The following OTUD7A variants were observed in gnomAD, a reference collection of about 807,000 sequenced individuals.
OTUD7A encodes OTU deubiquitinase 7A.
Under a neutral mutation model 65.7 loss-of-function variants are expected in OTUD7A, and 12 were observed. That is an observed-to-expected ratio of 0.18 (90% CI 0.12 to 0.30). OTUD7A has a LOEUF of 0.30. Among genes scored for constraint, OTUD7A ranks in the 10% least tolerant of loss-of-function variants. The pLI is 1.00. For synonymous variants in OTUD7A, 641 were observed against 586.3 expected, an observed-to-expected ratio of 1.09 and a Z score of -1.35; for missense variants, 1,148 against 1,304.8, an observed-to-expected ratio of 0.88 and a Z score of 1.85.
chr15:31,737,354 G>A (rs898589525), intron 1 of OTUD7A, among the ~76,000 whole-genome samples: 5 of 152,008 alleles, frequency 3.3e-5, no homozygotes, highest in Admixed American at 6.6e-5. Flanking sequence ...ACGAACAAGC[G>A]GTTTACAGAA....
chr15:31,647,053 A>C (rs531087421), intron 3 of OTUD7A, among the ~76,000 whole-genome samples: 2 of 152,100 alleles, frequency 1.3e-5, no homozygotes, highest in South Asian at 4.2e-4. Flanking sequence ...ATTTTTTTTG[A>C]CATTTTTTCC....
chr15:31,557,902 C>T (rs566430764), intron 5 of OTUD7A: 1 of 152,130 alleles, frequency 6.6e-6, no homozygotes, highest in East Asian at 1.9e-4. Flanking sequence ...TGGCTGCAGC[C>T]CTAAACTCCT....
chr15:31,744,705 GA>G (rs1349947624), intron 1 of OTUD7A, among the ~76,000 whole-genome samples: 4 of 152,062 alleles, frequency 2.6e-5, no homozygotes, highest in Admixed American at 2.0e-4. Flanking sequence ...CAATAAAGTA[GA>G]AAAGAGGGAT....
intron 3 of OTUD7A, among the ~76,000 whole-genome samples, chr15:31,597,262 T>G (rs928961294): frequency 2.0e-5 from 3 of 152,108 alleles, no homozygotes; most frequent in African/African-American, 7.2e-5. Flanking sequence ...GAACCAAAAT[T>G]TTTTGTTTTG....
intron 1 of OTUD7A, among the ~76,000 whole-genome samples, chr15:31,840,362 C>T (rs961655977): frequency 3.9e-5 from 6 of 152,070 alleles, no homozygotes; most frequent in African/African-American, 1.2e-4. Context: ...CATTTGAACC[C>T]GGGAGGTGGA....
chr15:31,829,764 C>G (rs1164466948), intron 1 of OTUD7A, among the ~76,000 whole-genome samples: 1 of 152,116 alleles, frequency 6.6e-6, no homozygotes, highest in African/African-American at 2.4e-5. Flanking sequence ...GGAATGGGAG[C>G]TCAGAATCTA....
intron 1 of OTUD7A, among the ~76,000 whole-genome samples, chr15:31,831,177 TG>T (rs1319378474): frequency 6.6e-6 from 1 of 152,206 alleles, no homozygotes. Context: ...CAATGCTCAA[TG>T]TAAAAGCTAA....
intron 1 of OTUD7A, among the ~76,000 whole-genome samples, chr15:31,821,161 G>C (rs868372110): frequency 7.5e-6 from 1 of 134,196 alleles, no homozygotes; most frequent in Non-Finnish European, 1.6e-5. Context: ...TTTTGAGACG[G>C]AGTCTTGCTC....
intron 5 of OTUD7A, among the ~76,000 whole-genome samples, chr15:31,537,845 A>C (rs530907171): frequency 6.6e-6 from 1 of 152,368 alleles, no homozygotes; most frequent in African/African-American, 2.4e-5. Context: ...GAACATGAGT[A>C]GACAATCAGG....
At chr15:31,722,325 C>G (rs1047917393) in intron 1 of OTUD7A, among the ~76,000 whole-genome samples, 5 of 152,186 alleles carry the variant, frequency 3.3e-5, no homozygotes, top group African/African-American at 1.2e-4. Flanking sequence ...ACCAAGCTGT[C>G]CAGGTCTACA....
At chr15:31,601,970 C>A (rs1000118904) in intron 3 of OTUD7A, among the ~76,000 whole-genome samples, 2 of 152,016 alleles carry the variant, frequency 1.3e-5, no homozygotes. Flanking sequence ...TAATAGCCTA[C>A]CAACCAAAAA....
At chr15:31,803,742 T>C (rs893317663) in intron 1 of OTUD7A, among the ~76,000 whole-genome samples, 2 of 152,212 alleles carry the variant, frequency 1.3e-5, no homozygotes, top group Non-Finnish European at 2.9e-5. Context: ...CCTTCCACTG[T>C]GACCATCTGA....
intron 1 of OTUD7A, among the ~76,000 whole-genome samples, chr15:31,747,930 G>A (rs1503004): frequency 0.12 from 17,673 of 151,972 alleles, 1,369 homozygotes; most frequent in East Asian, 0.42. Context: ...AAGAAACCTC[G>A]GAAAAATCAA....
intron 3 of OTUD7A, among the ~76,000 whole-genome samples, chr15:31,641,777 C>T (rs1891524033): frequency 6.6e-6 from 1 of 152,196 alleles, no homozygotes; most frequent in African/African-American, 2.4e-5. Flanking sequence ...TCTTACAACA[C>T]TGCTAACTTC....
chr15:31,572,408 T>C (rs914322164), intron 3 of OTUD7A, among the ~76,000 whole-genome samples: 1 of 152,232 alleles, frequency 6.6e-6, no homozygotes, highest in African/African-American at 2.4e-5. Context: ...TCTTCCAGGA[T>C]GCCTCAATTT....
intron 1 of OTUD7A, among the ~76,000 whole-genome samples, chr15:31,732,271 CTGGTACACA>C (rs1280834572): frequency 2.0e-5 from 3 of 152,212 alleles, no homozygotes; most frequent in Non-Finnish European, 1.5e-5. Context: ...TTATTCCTGA[CTGGTACACA>C]TGCGCAGAGC....
At position 31,628,379 on chromosome 15, in the gene OTUD7A, G is replaced by T. The variant is rs182383602; in HGVS notation, c.151+26717C>A. Reference sequence around the variant, plus strand: ...TTTCCCCATTGCTTGTTTCTGTCAGGTTTGTCGAAGATCAGATGGTTGTAG... The same window carrying T: ...TTTCCCCATTGCTTGTTTCTGTCAGTTTTGTCGAAGATCAGATGGTTGTAG... On this transcript the variant is annotated intron_variant, in intron 3 of 12. Coordinates refer to ENST00000307050, the MANE Select transcript of OTUD7A (RefSeq NM_001382637.1). Among the ~76,000 whole-genome samples, 972 of 152,202 alleles carry T rather than the reference G, an allele frequency of 6.4e-3. 9 individuals carry two copies. The highest frequency in any genetic ancestry group is 0.022 in the African/African-American group (902 of 41,518).
At chr15:31,616,450 T>C (rs1340685646) in intron 3 of OTUD7A, among the ~76,000 whole-genome samples, 1 of 152,154 alleles carries the variant, frequency 6.6e-6, no homozygotes, top group East Asian at 1.9e-4. Context: ...GCCTCAACAA[T>C]CTAAGTTGGG....
intron 3 of OTUD7A, among the ~76,000 whole-genome samples, chr15:31,576,121 A>G (rs1889196410): frequency 6.6e-6 from 1 of 152,172 alleles, no homozygotes; most frequent in African/African-American, 2.4e-5. Context: ...AAAAGATAAA[A>G]AACACTACAT....
Sources: gnomAD v4.1 joint callset for allele counts (sites outside exome capture counted in the v4.1 genomes callset) on GRCh38, gnomAD v4.1.1 for gene constraint, MANE v1.5 for transcripts, NCBI Gene and HGNC (gene_info 2026-07-23, HGNC 2026-07-21) for gene names.